Variants in UBE2L3 observed in about 807,000 individuals in gnomAD.
The protein encoded by UBE2L3 is ubiquitin-conjugating enzyme E2 L3.
Under a neutral mutation model 17.8 loss-of-function variants are expected in UBE2L3, and 1 was observed. That is an observed-to-expected ratio of 0.06 (90% confidence interval 0.02 to 0.27). UBE2L3 has a LOEUF of 0.27. UBE2L3 is among the 10% of genes least tolerant of loss of function. UBE2L3 has a pLI of 1.00. For missense variants in UBE2L3, 40 were observed against 192.6 expected, an observed-to-expected ratio of 0.21 and a Z score of 4.69; for synonymous variants, 44 against 68.5, an observed-to-expected ratio of 0.64 and a Z score of 1.76.
At chr22:21,568,885 C>T (rs1374463960) in intron 1 of UBE2L3, among the ~76,000 whole-genome samples, 1 of 152,136 alleles carries the variant, frequency 6.6e-6, no homozygotes, top group Non-Finnish European at 1.5e-5. Flanking sequence ...CGTTTCCTTT[C>T]TTTTGTTCCC....
chr22:21,557,310 T>C (rs1601380827), intron 1 of UBE2L3, among the ~76,000 whole-genome samples: 1 of 152,226 alleles, frequency 6.6e-6, no homozygotes, highest in Admixed American at 6.5e-5. Flanking sequence ...GAGGTTACAG[T>C]GGACTGAGAT....
intron 3 of UBE2L3, among the ~76,000 whole-genome samples, chr22:21,617,109 C>T (rs1009974842): frequency 1.4e-5 from 2 of 145,006 alleles, no homozygotes; most frequent in African/African-American, 5.2e-5. Flanking sequence ...GCTGCCACTG[C>T]ACTCCAGCCT....
chr22:21,566,402 A>C (rs1406549003), upstream of UBE2L3, among the ~76,000 whole-genome samples: 2 of 151,930 alleles, frequency 1.3e-5, no homozygotes, highest in African/African-American at 4.8e-5. Flanking sequence ...TGGGCAAGAC[A>C]GTGAGACTTC....
chr22:21,620,164 G>T (rs887971712), intron 3 of UBE2L3, among the ~76,000 whole-genome samples: 1 of 151,924 alleles, frequency 6.6e-6, no homozygotes, highest in African/African-American at 2.4e-5. Flanking sequence ...GCTAACACCC[G>T]TAATCCCAAC....
intron 2 of UBE2L3, among the ~76,000 whole-genome samples, chr22:21,594,107 G>A (rs1036138138): frequency 6.6e-6 from 1 of 152,150 alleles, no homozygotes; most frequent in Non-Finnish European, 1.5e-5. Context: ...CTCCTTTCCT[G>A]TTCTTCCTCA....
rs898703531 is a variant in UBE2L3, at chr22:21,608,200, G to A, written c.124-2657G>A. ...TCTTTCCTGGTGGGAATGCAAAATG[G>A]TGCAGCCACCTTGGAAGACAAGTTA... On this transcript the variant is annotated intron_variant, in intron 2 of 3. Coordinates refer to ENST00000342192, the MANE Select transcript of UBE2L3 (RefSeq NM_003347.4). 2.0e-5 allele frequency among the ~76,000 whole-genome samples: 3 copies of A among 152,178 alleles called. No homozygotes were observed. The South Asian group carries it at 6.2e-4, about 32-fold the overall frequency.
intron 1 of UBE2L3, among the ~76,000 whole-genome samples, chr22:21,575,518 G>A (rs1271945362): frequency 6.7e-6 from 1 of 150,174 alleles, no homozygotes; most frequent in Non-Finnish European, 1.5e-5. Flanking sequence ...GAATCCGGGA[G>A]GCGGAGGTTG....
At chr22:21,600,549 A>G (rs1928800105) in intron 2 of UBE2L3, among the ~76,000 whole-genome samples, 1 of 151,626 alleles carries the variant, frequency 6.6e-6, no homozygotes, top group Admixed American at 6.6e-5. Flanking sequence ...TATAAAAATT[A>G]GCCGGGCGTG....
chr22:21,560,785 C>T (rs940390742), intron 1 of UBE2L3, among the ~76,000 whole-genome samples: 6 of 150,506 alleles, frequency 4.0e-5, no homozygotes, highest in East Asian at 1.9e-4. Context: ...TCCTCTGCAG[C>T]CTGAAACTTG....
At chr22:21,604,705 A>T (rs943473976) in intron 2 of UBE2L3, among the ~76,000 whole-genome samples, 1 of 152,166 alleles carries the variant, frequency 6.6e-6, no homozygotes, top group Admixed American at 6.6e-5. Context: ...GTAGAGCTGT[A>T]GGCCTTTACC....
intron 1 of UBE2L3, among the ~76,000 whole-genome samples, chr22:21,576,957 C>A (rs1927339869): frequency 6.6e-6 from 1 of 151,698 alleles, no homozygotes; most frequent in Non-Finnish European, 1.5e-5. Flanking sequence ...GCGTGTGCCA[C>A]CATGCCTGGC....
chr22:21,597,762 C>T (rs1246723791), intron 2 of UBE2L3, among the ~76,000 whole-genome samples: 9 of 124,938 alleles, frequency 7.2e-5, no homozygotes, highest in African/African-American at 2.6e-4. Flanking sequence ...ATCTTTGATC[C>T]ATTTATATGT....
At chr22:21,617,160 A>AG (rs954321120) in intron 3 of UBE2L3, among the ~76,000 whole-genome samples, 28 of 151,894 alleles carry the variant, frequency 1.8e-4, no homozygotes, top group African/African-American at 6.3e-4. Flanking sequence ...AAAAAAAAAA[A>AG]AAAGAAAAGG....
At chr22:21,565,105 AT>A (rs1434087529), upstream of UBE2L3, among the ~76,000 whole-genome samples, 1 of 151,586 alleles carries the variant, frequency 6.6e-6, no homozygotes, top group Admixed American at 6.6e-5. Flanking sequence ...ATATATATAT[AT>A]TTTTGAGACT....
At chr22:21,576,138 G>A (rs1196758765) in intron 1 of UBE2L3, among the ~76,000 whole-genome samples, 6 of 147,912 alleles carry the variant, frequency 4.1e-5, no homozygotes, top group Admixed American at 6.8e-5. Flanking sequence ...TTTTTGAGGC[G>A]GAGTCTCGCT....
At chr22:21,592,012 A>G (rs1285673425) in intron 1 of UBE2L3, among the ~76,000 whole-genome samples, 3 of 152,258 alleles carry the variant, frequency 2.0e-5, no homozygotes, top group Admixed American at 1.3e-4. Context: ...GGCAATGGGA[A>G]ATGTCAGGCT....
At chr22:21,609,892 G>T (rs1929386269) in intron 2 of UBE2L3, among the ~76,000 whole-genome samples, 1 of 152,150 alleles carries the variant, frequency 6.6e-6, no homozygotes, top group South Asian at 2.1e-4. Flanking sequence ...TGGGCATTGA[G>T]GCGGGTGCCT....
chr22:21,598,358 CT>C (rs1396176594), intron 2 of UBE2L3, among the ~76,000 whole-genome samples: 1 of 151,920 alleles, frequency 6.6e-6, no homozygotes, highest in Non-Finnish European at 1.5e-5. Context: ...TTGAGCACTA[CT>C]TTTGCTGCAT....
intron 1 of UBE2L3, among the ~76,000 whole-genome samples, chr22:21,573,102 C>T (rs1176524545): frequency 1.3e-5 from 2 of 152,126 alleles, no homozygotes; most frequent in Non-Finnish European, 2.9e-5. Context: ...TACTGGTCAG[C>T]GCACTCTCTG....
Sources: gnomAD v4.1 joint callset for allele counts (sites outside exome capture counted in the v4.1 genomes callset) on GRCh38, gnomAD v4.1.1 for gene constraint, MANE v1.5 for transcripts, NCBI Gene and HGNC (gene_info 2026-07-23, HGNC 2026-07-21) for gene names.